The following SOX6 variants were observed in gnomAD, a reference collection of about 807,000 sequenced individuals.
SOX6 encodes the protein SRY-box transcription factor 6, also known as transcription factor SOX-6.
In SOX6, 11 loss-of-function variants were observed where a neutral mutation model predicts 97.8. The ratio of observed to expected loss-of-function variants is 0.11; its 90% CI spans 0.07 to 0.19. The LOEUF is 0.19. SOX6 is among the 10% of genes least tolerant of loss of function. The pLI is 1.00. For synonymous variants in SOX6, 360 were observed against 371.4 expected, an observed-to-expected ratio of 0.97 and a Z score of 0.35; for missense variants, 810 against 1,039.5, an observed-to-expected ratio of 0.78 and a Z score of 3.04.
intron 12 of SOX6, among the ~76,000 whole-genome samples, chr11:16,027,369 A>C (rs533742352): frequency 6.6e-6 from 1 of 152,354 alleles, no homozygotes; most frequent in African/African-American, 2.4e-5. Flanking sequence ...ATAGTAAATA[A>C]AATGAAATTT....
intron 12 of SOX6, among the ~76,000 whole-genome samples, chr11:16,032,751 A>T (rs1231554872): frequency 1.3e-5 from 2 of 151,954 alleles, no homozygotes; most frequent in African/African-American, 4.8e-5. Context: ...CTCAGAGTAC[A>T]CTTCTCTCTT....
At chr11:16,267,143 A>G (rs1437739665) in intron 3 of SOX6, among the ~76,000 whole-genome samples, 1 of 151,438 alleles carries the variant, frequency 6.6e-6, no homozygotes, top group Admixed American at 6.6e-5. Context: ...ATGATTTTTT[A>G]GATTTCATTC....
intron 4 of SOX6, among the ~76,000 whole-genome samples, chr11:16,525,716 T>C (rs1223537432): frequency 3.3e-5 from 5 of 151,146 alleles, no homozygotes; most frequent in African/African-American, 4.9e-5. Flanking sequence ...TGGGAGAAAA[T>C]TTTCGCAACC....
intron 1 of SOX6, among the ~76,000 whole-genome samples, chr11:16,352,292 ATGG>A (rs1856969554): frequency 4.0e-5 from 6 of 151,810 alleles, no homozygotes. Flanking sequence ...GGATGGATGG[ATGG>A]ATGGAAGGAT....
chr11:16,490,064 C>T (rs1222583248), intron 4 of SOX6, among the ~76,000 whole-genome samples: 2 of 151,868 alleles, frequency 1.3e-5, no homozygotes, highest in Non-Finnish European at 2.9e-5. Context: ...AATAAGTGTT[C>T]AATAATTTTT....
chr11:16,470,697 T>C (rs1860127043), intron 1 of SOX6, among the ~76,000 whole-genome samples: 1 of 152,110 alleles, frequency 6.6e-6, no homozygotes, highest in Admixed American at 6.6e-5. Context: ...TGAAATTCTC[T>C]CTGAAAGAGG....
intron 3 of SOX6, among the ~76,000 whole-genome samples, chr11:16,650,611 G>C (rs1318420654): frequency 6.6e-6 from 1 of 151,972 alleles, no homozygotes; most frequent in African/African-American, 2.4e-5. Flanking sequence ...AAAGCCTCTG[G>C]TATACAGCAA....
Position 16,602,756 on chromosome 11 carries a change from T to G in SOX6, n.609+9325A>C, listed in dbSNP as rs11820579. On this transcript the variant is annotated intron_variant and non_coding_transcript_variant, in intron 4 of 5. Transcript: ENST00000524520. ...CTAACCCTGGGCCGGGCGCGGCTGT[T>G]CACGCCTGTAATCCCAGCACTTTGG... 6.7e-3 allele frequency among the ~76,000 whole-genome samples: 1,016 copies of G among 152,148 alleles called. 6 individuals carry two copies. The highest frequency in any genetic ancestry group is 0.022 in the African/African-American group (918 of 41,502).
intron 12 of SOX6, among the ~76,000 whole-genome samples, chr11:16,033,803 T>C (rs1590146181): frequency 6.6e-6 from 1 of 151,616 alleles, no homozygotes; most frequent in South Asian, 2.1e-4. Context: ...ACCTAGGAGG[T>C]GGAGGTTGTG....
intron 1 of SOX6, among the ~76,000 whole-genome samples, chr11:16,455,417 T>A (rs1859793928): frequency 3.3e-5 from 5 of 152,072 alleles, no homozygotes. Context: ...TATATAAAAT[T>A]ACTTTTTCTT....
chr11:16,289,997 A>G (rs1210980569), intron 3 of SOX6, among the ~76,000 whole-genome samples: 1 of 152,058 alleles, frequency 6.6e-6, no homozygotes, highest in Non-Finnish European at 1.5e-5. Context: ...GCATAATATT[A>G]ATAAAGCAAA....
chr11:16,030,637 G>T (rs1855346065), intron 12 of SOX6, among the ~76,000 whole-genome samples: 2 of 152,058 alleles, frequency 1.3e-5, no homozygotes, highest in Admixed American at 6.6e-5. Flanking sequence ...ATAGTGTTTT[G>T]ATCTCATTGT....
At chr11:16,231,404 T>C (rs906854887) in intron 4 of SOX6, among the ~76,000 whole-genome samples, 5 of 151,762 alleles carry the variant, frequency 3.3e-5, no homozygotes, top group African/African-American at 1.2e-4. Flanking sequence ...TTCTCACTAA[T>C]AGTCAAAAAA....
intron 1 of SOX6, among the ~76,000 whole-genome samples, chr11:16,454,742 T>A (rs1034336734): frequency 2.6e-5 from 4 of 152,088 alleles, no homozygotes; most frequent in Admixed American, 2.6e-4. Context: ...ACCAAACTAG[T>A]TTATGGTTGA....
chr11:15,999,183 T>C (rs1483504858), intron 13 of SOX6, among the ~76,000 whole-genome samples: 1 of 152,094 alleles, frequency 6.6e-6, no homozygotes, highest in Non-Finnish European at 1.5e-5. Context: ...AAAATGCAAA[T>C]TGAAACCACA....
chr11:15,983,747 A>G (rs1853741776), intron 15 of SOX6, among the ~76,000 whole-genome samples: 1 of 152,160 alleles, frequency 6.6e-6, no homozygotes, highest in Non-Finnish European at 1.5e-5. Flanking sequence ...AGAATAAGAC[A>G]TTCTGATCAT....
chr11:16,069,414 A>G (rs1277456921), intron 9 of SOX6, among the ~76,000 whole-genome samples: 1 of 152,206 alleles, frequency 6.6e-6, no homozygotes, highest in Non-Finnish European at 1.5e-5. Flanking sequence ...TAGAATTTGT[A>G]CATTCTATCA....
chr11:16,226,116 T>C (rs1299890612), intron 4 of SOX6, among the ~76,000 whole-genome samples: 1 of 152,178 alleles, frequency 6.6e-6, no homozygotes, highest in Admixed American at 6.6e-5. Context: ...GAATCATTTG[T>C]AGAATTTTCC....
intron 3 of SOX6, among the ~76,000 whole-genome samples, chr11:16,240,275 AGTGTGTGTGTGTGTGT>A (rs4031660): frequency 1.5e-5 from 2 of 129,056 alleles, no homozygotes; most frequent in African/African-American, 3.0e-5. Flanking sequence ...TAGATAATAT[AGTGTGTGTGTGTGTGT>A]GTGTGTGTGT....
Sources: gnomAD v4.1 joint callset for allele counts (sites outside exome capture counted in the v4.1 genomes callset) on GRCh38, gnomAD v4.1.1 for gene constraint, MANE v1.5 for transcripts, NCBI Gene and HGNC (gene_info 2026-07-23, HGNC 2026-07-21) for gene names.